The following NAALADL2 variants were observed in gnomAD, a reference collection of about 807,000 sequenced individuals.
The protein encoded by NAALADL2 is inactive N-acetylated-alpha-linked acidic dipeptidase-like protein 2.
A neutral mutation model predicts 87.2 loss-of-function variants in NAALADL2; 76 were observed. That is an observed-to-expected ratio of 0.87 (90% confidence interval 0.72 to 1.05). NAALADL2 has a LOEUF of 1.05. NAALADL2 is among the 50% of genes least tolerant of loss of function. The probability of loss-of-function intolerance (pLI) is 0.00; values close to 1 mark genes in which losing one functional copy is unlikely to be tolerated. For synonymous variants in NAALADL2, 354 were observed against 331.0 expected, an observed-to-expected ratio of 1.07 and a Z score of -0.75; for missense variants, 1,089 against 945.8, an observed-to-expected ratio of 1.15 and a Z score of -1.99.
At chr3:174,836,728 A>G (rs866598749) in intron 3 of NAALADL2, among the ~76,000 whole-genome samples, 2,196 of 151,204 alleles carry the variant, frequency 0.015, 58 homozygotes, top group African/African-American at 0.051. Flanking sequence ...AAAAAAAAAA[A>G]AAAAATGCTT....
chr3:175,199,980 A>G (rs973876369), intron 2 of NAALADL2, among the ~76,000 whole-genome samples: 1 of 148,666 alleles, frequency 6.7e-6, no homozygotes, highest in African/African-American at 2.5e-5. Context: ...GCATAGGCTT[A>G]GAAATAAATA....
chr3:174,903,752 A>G (rs1487199421), intron 1 of NAALADL2, among the ~76,000 whole-genome samples: 1 of 151,898 alleles, frequency 6.6e-6, no homozygotes, highest in Non-Finnish European at 1.5e-5. Context: ...TTCCCTGGAT[A>G]TTGTTGAATA....
chr3:174,674,780 C>T (rs1726892793), intron 2 of NAALADL2, among the ~76,000 whole-genome samples: 1 of 152,068 alleles, frequency 6.6e-6, no homozygotes, highest in South Asian at 2.1e-4. Flanking sequence ...CTGACTTTCT[C>T]TTCTCATCCC....
At chr3:175,612,947 C>G (rs546811827) in intron 10 of NAALADL2, among the ~76,000 whole-genome samples, 9 of 152,216 alleles carry the variant, frequency 5.9e-5, no homozygotes, top group African/African-American at 2.2e-4. Context: ...TGTGGCACCT[C>G]TACCCCAGGG....
At chr3:174,816,266 G>C (rs1720788666) in intron 3 of NAALADL2, among the ~76,000 whole-genome samples, 1 of 149,584 alleles carries the variant, frequency 6.7e-6, no homozygotes, top group East Asian at 2.0e-4. Context: ...TCTTCTCTCT[G>C]TATATACAGA....
intron 2 of NAALADL2, among the ~76,000 whole-genome samples, chr3:174,595,486 C>T (rs1717796935): frequency 6.6e-6 from 1 of 152,164 alleles, no homozygotes; most frequent in African/African-American, 2.4e-5. Flanking sequence ...GAAGGAAAAT[C>T]ATGCAACTTG....
chr3:175,530,450 G>T (rs945495000), intron 9 of NAALADL2, among the ~76,000 whole-genome samples: 1 of 152,198 alleles, frequency 6.6e-6, no homozygotes, highest in Non-Finnish European at 1.5e-5. Flanking sequence ...TGCACAATCA[G>T]GTGCACTGCT....
At chr3:174,805,725 C>A (rs1279616835) in intron 3 of NAALADL2, among the ~76,000 whole-genome samples, 2 of 151,968 alleles carry the variant, frequency 1.3e-5, no homozygotes, top group Non-Finnish European at 2.9e-5. Flanking sequence ...TATTGGAGAA[C>A]CCAATGAATT....
chr3:175,345,090 A>T (rs1040565300), intron 5 of NAALADL2, among the ~76,000 whole-genome samples: 1 of 149,168 alleles, frequency 6.7e-6, no homozygotes, highest in Admixed American at 6.7e-5. Context: ...TGTACAATCA[A>T]AGTAGGCTAG....
At chr3:175,079,311 A>G (rs1052078770) in intron 1 of NAALADL2, 2 of 152,182 alleles carry the variant, frequency 1.3e-5, no homozygotes, top group African/African-American at 4.8e-5. Flanking sequence ...AGTTCTTTAG[A>G]TAATCTGGAC....
chr3:175,560,864 C>T (rs1196548915), intron 9 of NAALADL2, among the ~76,000 whole-genome samples: 1 of 152,146 alleles, frequency 6.6e-6, no homozygotes, highest in Admixed American at 6.5e-5. Flanking sequence ...TCATGATCCA[C>T]CCACCTTGGC....
intron 2 of NAALADL2, among the ~76,000 whole-genome samples, chr3:174,700,811 G>A (rs1012099491): frequency 6.6e-6 from 1 of 152,156 alleles, no homozygotes; most frequent in African/African-American, 2.4e-5. Context: ...GAGTATAACT[G>A]ACTATTTGGA....
chr3:175,049,374 A>G (rs943294037), intron 1 of NAALADL2, among the ~76,000 whole-genome samples: 2 of 152,042 alleles, frequency 1.3e-5, no homozygotes, highest in African/African-American at 4.8e-5. Flanking sequence ...ACCCGACTGT[A>G]GGTAACTGAA....
At chr3:174,610,988 A>G (rs1224146795) in intron 2 of NAALADL2, among the ~76,000 whole-genome samples, 14 of 152,128 alleles carry the variant, frequency 9.2e-5, no homozygotes, top group Non-Finnish European at 1.6e-4. Context: ...TGCAGCCATA[A>G]AAAAGGATGA....
At chr3:175,694,786 T>C (rs1582916301) in intron 11 of NAALADL2, among the ~76,000 whole-genome samples, 2 of 152,194 alleles carry the variant, frequency 1.3e-5, no homozygotes, top group African/African-American at 4.8e-5. Flanking sequence ...CAGTATTTAA[T>C]AAAAGTAATC....
At chr3:174,512,078 CTT>C in intron 1 of NAALADL2, among the ~76,000 whole-genome samples, 1 of 152,082 alleles carries the variant, frequency 6.6e-6, no homozygotes, top group African/African-American at 2.4e-5. Context: ...ATTTTTATAA[CTT>C]TGTATACATG....
At chr3:175,653,913 C>G (rs1214547383) in intron 11 of NAALADL2, among the ~76,000 whole-genome samples, 1 of 152,106 alleles carries the variant, frequency 6.6e-6, no homozygotes, top group African/African-American at 2.4e-5. Flanking sequence ...TTCTGGGTGA[C>G]CAGACACATT....
At chr3:175,315,523 AGAAC>A (rs1560343976) in intron 4 of NAALADL2, among the ~76,000 whole-genome samples, 1 of 152,154 alleles carries the variant, frequency 6.6e-6, no homozygotes, top group African/African-American at 2.4e-5. Context: ...CACTTTTTGA[AGAAC>A]TTTTAGGGTA....
At chr3:175,198,247 A>G (rs1229158849) in intron 2 of NAALADL2, among the ~76,000 whole-genome samples, 1 of 152,072 alleles carries the variant, frequency 6.6e-6, no homozygotes, top group African/African-American at 2.4e-5. Context: ...ATTAAATTCG[A>G]AGAATCTAGT....
Sources: allele counts gnomAD v4.1 joint callset (sites outside exome capture counted in the v4.1 genomes callset), GRCh38; gene constraint gnomAD v4.1.1; transcripts MANE v1.5; gene names NCBI Gene and HGNC (gene_info 2026-07-23, HGNC 2026-07-21).